Variants in WWOX observed in about 807,000 individuals in gnomAD.
WWOX encodes WW domain containing oxidoreductase.
In WWOX, 69 loss-of-function variants were observed where a neutral mutation model predicts 46.2. The ratio of observed to expected loss-of-function variants is 1.49; its 90% CI spans 1.23 to 1.82. The LOEUF (loss-of-function observed/expected upper bound fraction) is 1.82. Among genes scored for constraint, WWOX ranks in the 40% most tolerant of loss-of-function variants. The pLI, the probability that WWOX is intolerant of heterozygous loss-of-function variation, is 0.00. For missense variants in WWOX, 919 were observed against 542.6 expected (o/e 1.69, Z -6.89); for synonymous variants, 359 against 202.6 (o/e 1.77, Z -6.56).
At chr16:79,099,880 T>C (rs753324590) in intron 8 of WWOX, among the ~76,000 whole-genome samples, 5 of 152,022 alleles carry the variant, frequency 3.3e-5, no homozygotes, top group Non-Finnish European at 7.4e-5. Flanking sequence ...TTGCAAGGAG[T>C]TGGCTTATGC....
chr16:78,303,578 C>G (rs531028214), intron 5 of WWOX, among the ~76,000 whole-genome samples: 15 of 152,264 alleles, frequency 9.9e-5, no homozygotes. Context: ...GTGTTTCGCT[C>G]TCGTTGCCCA....
chr16:79,052,204 C>A (rs552199971), intron 8 of WWOX, among the ~76,000 whole-genome samples: 60 of 150,418 alleles, frequency 4.0e-4, no homozygotes, highest in African/African-American at 9.3e-4. Flanking sequence ...CCCACCCCAC[C>A]ACAGTCCCCA....
intron 8 of WWOX, among the ~76,000 whole-genome samples, chr16:78,743,364 A>G (rs897781358): frequency 2.6e-5 from 4 of 152,158 alleles, no homozygotes; most frequent in Non-Finnish European, 5.9e-5. Context: ...TTGATTCTCA[A>G]ACAGAATCTT....
Position 78,152,716 on chromosome 16 carries a change from A to C in WWOX, c.410-11467A>C, listed in dbSNP as rs370351575. Among the ~76,000 whole-genome samples, 13 of 152,306 alleles carry C rather than the reference A, an allele frequency of 8.5e-5. 1 individual carries two copies. The East Asian group carries it at 2.5e-3, about 29-fold the overall frequency. Reference sequence around the variant, plus strand: ...CTTATTCACCCAGCACAGTGGCAGCACTAGTAGCCAGCCTGGGGTCAGTCT... The same window carrying C: ...CTTATTCACCCAGCACAGTGGCAGCCCTAGTAGCCAGCCTGGGGTCAGTCT... On this transcript the variant is annotated intron_variant, in intron 4 of 8. Coordinates refer to ENST00000566780, the MANE Select transcript of WWOX (RefSeq NM_016373.4).
At chr16:79,015,837 C>T (rs1439612944) in intron 8 of WWOX, among the ~76,000 whole-genome samples, 2 of 152,142 alleles carry the variant, frequency 1.3e-5, no homozygotes, top group Admixed American at 6.5e-5. Flanking sequence ...CTGCAACCCC[C>T]GCCTCCCGGG....
chr16:79,190,497 A>G (rs438574), intron 8 of WWOX, among the ~76,000 whole-genome samples: 54,429 of 152,080 alleles, frequency 0.36, 12,296 homozygotes, highest in Non-Finnish European at 0.51. Context: ...AGAGGCCCCA[A>G]GAGAGAGGCC....
Position 78,534,457 on chromosome 16 carries a change from A to G in WWOX, c.1056+101705A>G, listed in dbSNP as rs1234979190. The G allele has an allele frequency of 2.0e-5, 3 of 152,112 alleles. No homozygotes were observed. In the East Asian group the frequency reaches 5.8e-4, roughly 29 times the overall value. 9.4% of individuals were successfully genotyped at this position (152,112 alleles called of 1,614,324 possible). On this transcript the variant is annotated intron_variant, in intron 8 of 8. Transcript: ENST00000566780. Reference sequence around the variant, plus strand: ...GACAGACAGTGTAATTTCCCTGGAAACTCAATTTTGATTCAGACGTCCACA... The same window carrying G: ...GACAGACAGTGTAATTTCCCTGGAAGCTCAATTTTGATTCAGACGTCCACA...
intron 5 of WWOX, among the ~76,000 whole-genome samples, chr16:78,295,917 T>C (rs1318295370): frequency 2.0e-5 from 3 of 152,232 alleles, no homozygotes; most frequent in Non-Finnish European, 4.4e-5. Flanking sequence ...CCTGTTTGGG[T>C]ATCACATTAG....
chr16:78,765,133 T>C (rs2049897122), intron 8 of WWOX, among the ~76,000 whole-genome samples: 1 of 152,188 alleles, frequency 6.6e-6, no homozygotes, highest in African/African-American at 2.4e-5. Context: ...GTGATGGTCC[T>C]TGAAGGATGC....
At chr16:79,002,446 C>T (rs1240019028) in intron 8 of WWOX, among the ~76,000 whole-genome samples, 2 of 152,008 alleles carry the variant, frequency 1.3e-5, no homozygotes, top group East Asian at 1.9e-4. Context: ...TGCTCTCGAA[C>T]TCCTGACCTC....
intron 8 of WWOX, among the ~76,000 whole-genome samples, chr16:78,633,235 C>T (rs527581178): frequency 2.7e-4 from 41 of 152,262 alleles, no homozygotes; most frequent in Non-Finnish European, 4.3e-4. Flanking sequence ...GCGCTCCATG[C>T]TAGGTGACAG....
intron 8 of WWOX, among the ~76,000 whole-genome samples, chr16:79,052,641 C>A (rs1355577583): frequency 6.6e-6 from 1 of 152,182 alleles, no homozygotes; most frequent in African/African-American, 2.4e-5. Context: ...AGGTCCCTTT[C>A]CAGCCAATGG....
intron 8 of WWOX, among the ~76,000 whole-genome samples, chr16:79,017,704 T>A (rs574669193): frequency 6.6e-6 from 1 of 152,228 alleles, no homozygotes; most frequent in South Asian, 2.1e-4. Flanking sequence ...TATATTTTTT[T>A]GATTTTTTTT....
chr16:78,201,100 C>G (rs1406356935), intron 5 of WWOX, among the ~76,000 whole-genome samples: 1 of 152,188 alleles, frequency 6.6e-6, no homozygotes, highest in Non-Finnish European at 1.5e-5. Flanking sequence ...ATAGAAGGGA[C>G]TGTACTATTT....
intron 8 of WWOX, among the ~76,000 whole-genome samples, chr16:78,801,722 A>G (rs1332853184): frequency 6.6e-6 from 1 of 152,124 alleles, no homozygotes; most frequent in Non-Finnish European, 1.5e-5. Flanking sequence ...GTGCACCCCC[A>G]TCCTGCCATT....
chr16:78,684,880 A>G (rs1297454641), intron 8 of WWOX, among the ~76,000 whole-genome samples: 2 of 152,214 alleles, frequency 1.3e-5, no homozygotes, highest in Non-Finnish European at 2.9e-5. Context: ...CTCCTTTTAT[A>G]GTCAGAGCAT....
chr16:79,115,588 C>A (rs2049500321), intron 8 of WWOX, among the ~76,000 whole-genome samples: 1 of 152,170 alleles, frequency 6.6e-6, no homozygotes, highest in Non-Finnish European at 1.5e-5. Context: ...AGAAAAAGCC[C>A]AGTTCTTCTC....
intron 8 of WWOX, among the ~76,000 whole-genome samples, chr16:78,706,614 G>C (rs770177634): frequency 5.3e-5 from 8 of 152,162 alleles, no homozygotes; most frequent in Admixed American, 3.3e-4. Flanking sequence ...TTGGTCCCAA[G>C]AAAATAGTTT....
chr16:78,615,942 G>T (rs1379789320), intron 8 of WWOX, among the ~76,000 whole-genome samples: 2 of 152,050 alleles, frequency 1.3e-5, no homozygotes, highest in African/African-American at 2.4e-5. Flanking sequence ...AGTAGAGACA[G>T]GGTTTCACTG....
Sources: gnomAD v4.1 joint callset for allele counts (sites outside exome capture counted in the v4.1 genomes callset) on GRCh38, gnomAD v4.1.1 for gene constraint, MANE v1.5 for transcripts, NCBI Gene and HGNC (gene_info 2026-07-23, HGNC 2026-07-21) for gene names.